The following CTNNBL1 variants were observed in gnomAD, a reference collection of about 807,000 sequenced individuals.
CTNNBL1 encodes beta-catenin-like protein 1.
CTNNBL1 carries 31 observed loss-of-function variants against 72.7 expected under a neutral mutation model. That is an observed-to-expected ratio of 0.43 (90% CI 0.32 to 0.58). The LOEUF is 0.58. Among genes scored for constraint, CTNNBL1 ranks in the 20% least tolerant of loss-of-function variants. The pLI is 0.08. For synonymous variants in CTNNBL1, 240 were observed against 267.3 expected (o/e 0.90, Z 1.00); for missense variants, 534 against 725.1 (o/e 0.74, Z 3.03).
chr20:37,865,549 T>C (rs1198048969), intron 15 of CTNNBL1, among the ~76,000 whole-genome samples: 1 of 152,178 alleles, frequency 6.6e-6, no homozygotes, highest in Non-Finnish European at 1.5e-5. Flanking sequence ...CTGCATTCTG[T>C]CTCTGTGGCT....
At chr20:37,750,012 T>C (rs1467393325) in intron 4 of CTNNBL1, 1 of 152,244 alleles carries the variant, frequency 6.6e-6, no homozygotes, top group Non-Finnish European at 1.5e-5. Flanking sequence ...TGGCTGGTTA[T>C]GTTCCCAGCA....
intron 1 of CTNNBL1, among the ~76,000 whole-genome samples, chr20:37,723,038 A>G (rs1298194433): frequency 6.6e-6 from 1 of 152,214 alleles, no homozygotes; most frequent in Admixed American, 6.5e-5. Flanking sequence ...TGCCTATGTT[A>G]GTTTTGATAA....
intron 1 of CTNNBL1, among the ~76,000 whole-genome samples, chr20:37,713,963 A>G (rs180918127): frequency 7.2e-5 from 11 of 152,274 alleles, no homozygotes; most frequent in Admixed American, 7.2e-4. Context: ...TCCATTTTGC[A>G]GATGAGGAAA....
At chr20:37,710,913 C>T (rs989566329) in intron 1 of CTNNBL1, among the ~76,000 whole-genome samples, 1 of 152,148 alleles carries the variant, frequency 6.6e-6, no homozygotes, top group Non-Finnish European at 1.5e-5. Context: ...TCTGTCATAC[C>T]CTACCTCTGC....
At chr20:37,708,727 T>C (rs766488963) in intron 1 of CTNNBL1, among the ~76,000 whole-genome samples, 2 of 152,166 alleles carry the variant, frequency 1.3e-5, no homozygotes, top group Admixed American at 6.5e-5. Flanking sequence ...CTGCAGTGCC[T>C]TTCTATCTTT....
intron 1 of CTNNBL1, among the ~76,000 whole-genome samples, chr20:37,700,644 G>C (rs1027675739): frequency 6.6e-6 from 1 of 152,204 alleles, no homozygotes; most frequent in East Asian, 1.9e-4. Flanking sequence ...TCATCAAGAA[G>C]TGTGCCCAGC....
At chr20:37,769,339 T>G (rs2073502426) in intron 7 of CTNNBL1, among the ~76,000 whole-genome samples, 1 of 152,220 alleles carries the variant, frequency 6.6e-6, no homozygotes, top group South Asian at 2.1e-4. Flanking sequence ...CCCACTGATT[T>G]ATCATATCCC....
At chr20:37,740,265 C>T (rs2122612125) in intron 3 of CTNNBL1, among the ~76,000 whole-genome samples, 1 of 152,232 alleles carries the variant, frequency 6.6e-6, no homozygotes, top group Non-Finnish European at 1.5e-5. Flanking sequence ...TGAATTCTCA[C>T]TGGTGCAGTG....
intron 11 of CTNNBL1, among the ~76,000 whole-genome samples, chr20:37,804,410 T>C (rs1160000179): frequency 1.3e-5 from 2 of 149,192 alleles, no homozygotes; most frequent in African/African-American, 4.9e-5. Context: ...GCATCCTTAT[T>C]TTTTTTTTTA....
At chr20:37,819,064 T>C (rs2072083858) in intron 11 of CTNNBL1, among the ~76,000 whole-genome samples, 1 of 152,238 alleles carries the variant, frequency 6.6e-6, no homozygotes, top group Non-Finnish European at 1.5e-5. Context: ...GTATAAATTG[T>C]GTAGGGGCTT....
At chr20:37,842,674 G>A (rs994859970) in intron 13 of CTNNBL1, among the ~76,000 whole-genome samples, 2 of 152,206 alleles carry the variant, frequency 1.3e-5, no homozygotes, top group Non-Finnish European at 2.9e-5. Context: ...AGGCACCCTT[G>A]ACAAGAGCTT....
chr20:37,846,264 G>A (rs2122827809), intron 13 of CTNNBL1, among the ~76,000 whole-genome samples: 1 of 152,206 alleles, frequency 6.6e-6, no homozygotes, highest in Admixed American at 6.5e-5. Flanking sequence ...TTTCCAGCCT[G>A]GAGTGAAACA....
chr20:37,787,347 T>TG lies in CTNNBL1; in HGVS notation c.1031+8012_1031+8013insG, dbSNP rs1465167914. On this transcript the variant is annotated intron_variant, in intron 10 of 15. Coordinates refer to ENST00000361383, the MANE Select transcript of CTNNBL1 (RefSeq NM_030877.5). ...GTTAAAGACACATAACTGTGTGTTT[T>TG]TTTTTTTTTTTTTTTGAGACGGAGT... Among the ~76,000 whole-genome samples, 322 of 147,086 alleles carry TG rather than the reference T, an allele frequency of 2.2e-3. 5 individuals are homozygous for TG. Among genetic ancestry groups the TG allele is most frequent in the African/African-American group, 7.8e-3 (309 of 39,838 alleles).
intron 10 of CTNNBL1, among the ~76,000 whole-genome samples, chr20:37,796,160 G>A (rs1203181333): frequency 6.6e-6 from 1 of 152,090 alleles, no homozygotes; most frequent in Non-Finnish European, 1.5e-5. Context: ...CTGGCCCTCC[G>A]TGAGCTCTGG....
rs565365858 is a variant in CTNNBL1, at chr20:37,825,762, C to T, written c.1214-14340C>T. Among the ~76,000 whole-genome samples, 13 of 152,322 alleles carry T rather than the reference C, an allele frequency of 8.5e-5. No homozygotes were observed. In the East Asian group the frequency reaches 1.7e-3, roughly 20 times the overall value. ...CTGCCCCTTGGTGTATAGAGCATCC[C>T]TCTTGGGCAGAGTTTAGCCAGGCCT... On this transcript the variant is annotated intron_variant, in intron 11 of 15. Coordinates refer to ENST00000361383, the MANE Select transcript of CTNNBL1 (RefSeq NM_030877.5).
chr20:37,740,005 A>G (rs1469059429), intron 3 of CTNNBL1, among the ~76,000 whole-genome samples: 1 of 152,160 alleles, frequency 6.6e-6, no homozygotes, highest in Non-Finnish European at 1.5e-5. Context: ...CTCAATTTGG[A>G]GCAGAGTTTC....
At chr20:37,840,605 A>C (rs1367666403) in intron 12 of CTNNBL1, among the ~76,000 whole-genome samples, 1 of 152,240 alleles carries the variant, frequency 6.6e-6, no homozygotes, top group Non-Finnish European at 1.5e-5. Context: ...CAGCTTCAAC[A>C]TGGGGACATC....
chr20:37,814,224 T>C (rs185211987), intron 11 of CTNNBL1, among the ~76,000 whole-genome samples: 2 of 152,328 alleles, frequency 1.3e-5, no homozygotes, highest in Admixed American at 1.3e-4. Context: ...AGATCATAAA[T>C]TAAGGTTGCT....
chr20:37,725,551 T>G (rs62208404), intron 1 of CTNNBL1, among the ~76,000 whole-genome samples: 4 of 42 alleles, frequency 0.095, no homozygotes, highest in East Asian at 0.5. Flanking sequence ...CTGCCTGCCT[T>G]GCCTCCCAAA....
Sources: allele counts gnomAD v4.1 joint callset (sites outside exome capture counted in the v4.1 genomes callset), GRCh38; gene constraint gnomAD v4.1.1; transcripts MANE v1.5; gene names NCBI Gene and HGNC (gene_info 2026-07-23, HGNC 2026-07-21).